CXADR: variants seen among roughly 807,000 people sequenced by gnomAD.
CXADR encodes coxsackievirus and adenovirus receptor.
A neutral mutation model predicts 40.3 loss-of-function variants in CXADR; 20 were observed. The ratio of observed to expected loss-of-function variants is 0.50; its 90% CI spans 0.35 to 0.72. The LOEUF is 0.72. CXADR is among the 30% of genes least tolerant of loss of function. CXADR has a pLI of 0.01. For missense variants in CXADR, 332 were observed against 449.1 expected, an observed-to-expected ratio of 0.74 and a Z score of 2.36; for synonymous variants, 150 against 161.3, an observed-to-expected ratio of 0.93 and a Z score of 0.53.
At chr21:17,581,630 G>C (rs935620409) in intron 7 of CXADR, among the ~76,000 whole-genome samples, 1 of 112,838 alleles carries the variant, frequency 8.9e-6, no homozygotes, top group Non-Finnish European at 1.8e-5. Context: ...GATCACTTGA[G>C]GCCAGGAGTT....
chr21:17,599,328 G>GTGGT, the CXADR span, among the ~76,000 whole-genome samples: 1 of 151,914 alleles, frequency 6.6e-6, no homozygotes, highest in African/African-American at 2.4e-5. Context: ...CTACAGGAGT[G>GTGGT]TACCACCATG....
chr21:17,520,445 A>G (rs2060516688), intron 1 of CXADR, among the ~76,000 whole-genome samples: 1 of 152,118 alleles, frequency 6.6e-6, no homozygotes, highest in Non-Finnish European at 1.5e-5. Context: ...GTTTTACATG[A>G]TGTCACTGCT....
Position 17,552,047 on chromosome 21 carries a change from A to AT in CXADR, c.415+100dup, listed in dbSNP as rs532984140. On this transcript the variant is annotated intron_variant, in intron 3 of 6. Coordinates refer to ENST00000284878, the MANE Select transcript of CXADR (RefSeq NM_001338.5). Reference sequence around the variant, plus strand: ...CAGCACTTGTATAAAATAAAGCTTAATTTTTTAGAATAACAATTTTAAACA... The same window carrying AT: ...CAGCACTTGTATAAAATAAAGCTTAATTTTTTTAGAATAACAATTTTAAACA... The AT allele has an allele frequency of 5.5e-4, 483 of 883,056 alleles. No homozygotes were observed. The African/African-American group carries it at 6.6e-3, about 12-fold the overall frequency. 54.7% of individuals were successfully genotyped at this position (883,056 alleles called of 1,614,324 possible).
chr21:17,583,347 G>A (rs905301296), intron 7 of CXADR, among the ~76,000 whole-genome samples: 2 of 152,116 alleles, frequency 1.3e-5, no homozygotes, highest in Admixed American at 6.6e-5. Context: ...AATTTACATA[G>A]CAGTTAAAGT....
chr21:17,573,351 C>T (rs1235292081), downstream of CXADR, among the ~76,000 whole-genome samples: 1 of 152,060 alleles, frequency 6.6e-6, no homozygotes, highest in Admixed American at 6.5e-5. Flanking sequence ...GATGGGGACA[C>T]CTCAACCCGT....
chr21:17,529,034 C>CTTTT (rs10530177), intron 1 of CXADR, among the ~76,000 whole-genome samples: 20 of 121,382 alleles, frequency 1.6e-4, no homozygotes, highest in South Asian at 2.7e-4. Context: ...GACTTTTTGT[C>CTTTT]TTTTTTTTTT....
the CXADR span, chr21:17,626,850 GA>G: frequency 6.6e-6 from 1 of 152,278 alleles, no homozygotes; most frequent in East Asian, 1.9e-4. Flanking sequence ...TTTTAGTTGA[GA>G]AAGAACTTAC....
chr21:17,541,521 A>G lies in CXADR; in HGVS notation c.44-5506A>G, dbSNP rs566688662. On this transcript the variant is annotated intron_variant, in intron 1 of 6. Coordinates refer to ENST00000284878, the MANE Select transcript of CXADR (RefSeq NM_001338.5). Reference sequence around the variant, plus strand: ...TGCAGTGAGCCAAGATCGCGCCACTACATTCCAGCCCAGGCGTCAGAGCAA... The same window carrying G: ...TGCAGTGAGCCAAGATCGCGCCACTGCATTCCAGCCCAGGCGTCAGAGCAA... Among the ~76,000 whole-genome samples the G allele has an allele frequency of 1.6e-4, 25 of 151,986 alleles. 1 individual carries two copies. The South Asian group carries it at 3.1e-3, about 19-fold the overall frequency.
intron 2 of CXADR, among the ~76,000 whole-genome samples, chr21:17,548,736 CGT>C (rs1451716099): frequency 6.6e-6 from 1 of 152,176 alleles, no homozygotes; most frequent in Admixed American, 6.5e-5. Context: ...GAGCCATTAG[CGT>C]GTCTGTTAAT....
chr21:17,518,506 C>A (rs2123104350), intron 1 of CXADR: 1 of 877,730 alleles, frequency 1.1e-6, no homozygotes, highest in South Asian at 1.3e-5. Flanking sequence ...TAGTCCATGC[C>A]AGCTTCCAAA....
intron 2 of CXADR, among the ~76,000 whole-genome samples, chr21:17,548,410 G>GCAAA (rs1384622508): frequency 1.3e-5 from 2 of 152,172 alleles, no homozygotes; most frequent in African/African-American, 4.8e-5. Flanking sequence ...GTTTCCCTGA[G>GCAAA]CAAAATAAAT....
chr21:17,547,238 C>A, intron 2 of CXADR, 45 bp downstream of exon 2: 1 of 1,610,856 alleles, frequency 6.2e-7, no homozygotes. Context: ...GTCTGTGCAA[C>A]TATCTGATGT....
intron 1 of CXADR, among the ~76,000 whole-genome samples, chr21:17,528,418 T>C (rs2060626143): frequency 6.6e-6 from 1 of 151,262 alleles, no homozygotes; most frequent in African/African-American, 2.4e-5. Flanking sequence ...CCAGAGACCC[T>C]TTTTTTGAAA....
the CXADR span, among the ~76,000 whole-genome samples, chr21:17,604,454 AGAG>A: frequency 6.6e-6 from 1 of 152,188 alleles, no homozygotes; most frequent in Non-Finnish European, 1.5e-5. Context: ...CCAAAAAAAA[AGAG>A]GAGAGAGGGA....
the CXADR span, among the ~76,000 whole-genome samples, chr21:17,621,361 G>A: frequency 1.3e-4 from 20 of 152,244 alleles, no homozygotes; most frequent in Middle Eastern, 3.4e-3. Context: ...GGGTGGGGAC[G>A]GGGGAAGGAG....
chr21:17,622,259 G>T, the CXADR span, among the ~76,000 whole-genome samples: 1 of 152,082 alleles, frequency 6.6e-6, no homozygotes, highest in South Asian at 2.1e-4. Context: ...AAATGTTACC[G>T]TAAAGAGCTT....
chr21:17,538,613 T>A (rs2060789790), intron 1 of CXADR, among the ~76,000 whole-genome samples: 1 of 151,744 alleles, frequency 6.6e-6, no homozygotes, highest in Admixed American at 6.6e-5. Flanking sequence ...CAAGACCAGC[T>A]TGGGCAACAT....
At chr21:17,626,521 T>C in the CXADR span, among the ~76,000 whole-genome samples, 30 of 151,994 alleles carry the variant, frequency 2.0e-4, no homozygotes, top group African/African-American at 6.3e-4. Context: ...GGAATCAGCA[T>C]TTTTTTTAGC....
the CXADR span, among the ~76,000 whole-genome samples, chr21:17,602,186 TGAGTA>T: frequency 6.6e-6 from 1 of 152,188 alleles, no homozygotes; most frequent in Non-Finnish European, 1.5e-5. Flanking sequence ...TAAAATATGT[TGAGTA>T]GATAAGCTGG....
Sources: gnomAD v4.1 joint callset for allele counts (sites outside exome capture counted in the v4.1 genomes callset) on GRCh38, gnomAD v4.1.1 for gene constraint, MANE v1.5 for transcripts, NCBI Gene and HGNC (gene_info 2026-07-23, HGNC 2026-07-21) for gene names.